Variants in FKBP5 observed in about 807,000 individuals in gnomAD.
FKBP5 encodes peptidyl-prolyl cis-trans isomerase FKBP5.
Under a neutral mutation model 50.5 loss-of-function variants are expected in FKBP5, and 23 were observed. The observed-to-expected ratio is 0.46, with a 90% CI of 0.33 to 0.65. The LOEUF (loss-of-function observed/expected upper bound fraction) is 0.65, where lower values mean the gene tolerates loss of function less well. Among genes scored for constraint, FKBP5 ranks in the 30% least tolerant of loss-of-function variants. The probability of loss-of-function intolerance (pLI) is 0.02; values close to 1 mark genes in which losing one functional copy is unlikely to be tolerated. For missense variants in FKBP5, 411 were observed against 553.1 expected (o/e 0.74, Z 2.58); for synonymous variants, 176 against 190.6 (o/e 0.92, Z 0.63).
intron 3 of FKBP5, among the ~76,000 whole-genome samples, chr6:35,630,170 A>AAGAGAGAG (rs112790704): frequency 2.0e-5 from 3 of 146,640 alleles, no homozygotes; most frequent in East Asian, 2.0e-4. Flanking sequence ...AGGAGGAAGA[A>AAGAGAGAG]AGAGAGAGAG....
chr6:35,721,033 T>C (rs1766601210), intron 1 of FKBP5, among the ~76,000 whole-genome samples: 1 of 152,154 alleles, frequency 6.6e-6, no homozygotes, highest in South Asian at 2.1e-4. Flanking sequence ...ACAGAGCATG[T>C]CCAAGATGAC....
At chr6:35,591,380 T>C (rs1038952900) in intron 6 of FKBP5, among the ~76,000 whole-genome samples, 160 bp from the exon 7 acceptor site, 4 of 152,232 alleles carry the variant, frequency 2.6e-5, no homozygotes, top group African/African-American at 9.6e-5. Context: ...CAGTGTGAAG[T>C]ATCTTCACTG....
intron 2 of FKBP5, among the ~76,000 whole-genome samples, chr6:35,699,071 A>G (rs780445304): frequency 6.6e-6 from 1 of 152,192 alleles, no homozygotes; most frequent in African/African-American, 2.4e-5. Context: ...TCTCTAGTCT[A>G]TGTGGCAAGG....
chr6:35,684,201 C>T (rs1372958209), intron 1 of FKBP5, among the ~76,000 whole-genome samples: 2 of 145,346 alleles, frequency 1.4e-5, no homozygotes, highest in Non-Finnish European at 3.0e-5. Context: ...TTTTTTAAGG[C>T]AGGGTCTCGC....
intron 1 of FKBP5, among the ~76,000 whole-genome samples, chr6:35,673,383 C>A (rs1056304756): frequency 6.6e-6 from 1 of 152,070 alleles, no homozygotes; most frequent in Non-Finnish European, 1.5e-5. Flanking sequence ...GACCCCATCT[C>A]TACAGAAAAT....
intron 5 of FKBP5, among the ~76,000 whole-genome samples, chr6:35,609,629 A>G (rs1763431375): frequency 1.3e-5 from 2 of 151,934 alleles, no homozygotes; most frequent in South Asian, 4.2e-4. Context: ...GATGCATATT[A>G]CCTCTCCTGG....
At chr6:35,583,100 C>T in intron 8 of FKBP5, 1 of 985,298 alleles carries the variant, frequency 1.0e-6, no homozygotes, top group Non-Finnish European at 1.2e-6. Flanking sequence ...AAAAACAATA[C>T]CAACAACAAA....
At chr6:35,633,251 T>C (rs998804199) in intron 3 of FKBP5, among the ~76,000 whole-genome samples, 5 of 151,942 alleles carry the variant, frequency 3.3e-5, no homozygotes, top group African/African-American at 1.2e-4. Context: ...AATATAAGTA[T>C]AAAACTATAG....
At chr6:35,727,011 G>C (rs556584231) in intron 1 of FKBP5, among the ~76,000 whole-genome samples, 39 of 152,300 alleles carry the variant, frequency 2.6e-4, no homozygotes, top group African/African-American at 8.9e-4. Context: ...TGTGCTGGGC[G>C]TTCAGAGGAG....
At chr6:35,717,367 C>T (rs530145272) in intron 2 of FKBP5, among the ~76,000 whole-genome samples, 17 of 152,266 alleles carry the variant, frequency 1.1e-4, no homozygotes, top group Non-Finnish European at 1.8e-4. Flanking sequence ...TGTGTGCACA[C>T]GTGTGCCTGT....
intron 6 of FKBP5, among the ~76,000 whole-genome samples, chr6:35,596,787 C>A (rs1357576495): frequency 6.6e-6 from 1 of 152,060 alleles, no homozygotes; most frequent in Non-Finnish European, 1.5e-5. Context: ...GCCTTTAGAT[C>A]CAGGAAGAAT....
At chr6:35,680,302 C>G (rs1274460617) in intron 1 of FKBP5, among the ~76,000 whole-genome samples, 2 of 152,028 alleles carry the variant, frequency 1.3e-5, no homozygotes, top group African/African-American at 4.8e-5. Context: ...TGGTGGTGCA[C>G]GCCTATAGTC....
At chr6:35,607,692 GGACGCC>G in intron 5 of FKBP5, 1 of 157,912 alleles carries the variant, frequency 6.3e-6, no homozygotes, top group South Asian at 1.7e-4. Context: ...GAGAACATGA[GGACGCC>G]CAGGCACAGC....
chr6:35,700,334 T>C (rs1766157918), intron 2 of FKBP5, among the ~76,000 whole-genome samples: 1 of 152,060 alleles, frequency 6.6e-6, no homozygotes, highest in South Asian at 2.1e-4. Context: ...CTAATTTTTA[T>C]ATGAAGCTGC....
rs1484612836 is a variant in FKBP5, at chr6:35,625,886, TCTC to T, written c.251-5615_251-5613del. Among the ~76,000 whole-genome samples the T allele has an allele frequency of 8.6e-5, 13 of 150,754 alleles. No individual in the cohort carries two copies. In the Admixed American group the frequency reaches 8.6e-4, roughly 10 times the overall value. On this transcript the variant is annotated intron_variant, in intron 3 of 10. Transcript: ENST00000357266. ...GCTCCGCCTCCCGGGTTCACGCCATTCTCCTGCCTCAGCCTCCCGAGTAGCTGG... is the reference window on the plus strand; with the variant it reads ...GCTCCGCCTCCCGGGTTCACGCCATTCTGCCTCAGCCTCCCGAGTAGCTGG...
intron 5 of FKBP5, among the ~76,000 whole-genome samples, chr6:35,610,202 G>A (rs749301457): frequency 3.7e-4 from 57 of 152,126 alleles, no homozygotes; most frequent in Admixed American, 7.2e-4. Context: ...GACTTTAGGA[G>A]CAGAACACTT....
Position 35,620,048 on chromosome 6 carries a change from G to A in FKBP5, c.393+84C>T. 3.3e-6 allele frequency: 5 copies of A among 1,512,402 alleles called. No homozygotes were observed. The South Asian group carries it at 5.8e-5, about 17-fold the overall frequency. 93.7% of individuals were successfully genotyped at this position (1,512,402 alleles called of 1,614,324 possible). On this transcript the variant is annotated intron_variant, in intron 4 of 10. Coordinates refer to ENST00000357266, the MANE Select transcript of FKBP5 (RefSeq NM_004117.4). ...GATCTGATTCTCTATAGCAAGCTTA[G>A]CTCCTTTTCCCACTGCCTGTTGCTT...
At chr6:35,628,390 G>T (rs1038514433) in intron 3 of FKBP5, among the ~76,000 whole-genome samples, 1 of 152,050 alleles carries the variant, frequency 6.6e-6, no homozygotes, top group Non-Finnish European at 1.5e-5. Flanking sequence ...TTTTCATATG[G>T]GAGTAGAAAA....
chr6:35,719,797 T>C (rs990462570), intron 2 of FKBP5, among the ~76,000 whole-genome samples: 2 of 152,192 alleles, frequency 1.3e-5, no homozygotes, highest in Non-Finnish European at 1.5e-5. Context: ...AACCCCAAGC[T>C]TGACTGCAAC....
Sources: gnomAD v4.1 joint callset for allele counts (sites outside exome capture counted in the v4.1 genomes callset) on GRCh38, gnomAD v4.1.1 for gene constraint, MANE v1.5 for transcripts, NCBI Gene and HGNC (gene_info 2026-07-23, HGNC 2026-07-21) for gene names.